PVT1: variants seen among roughly 807,000 people sequenced by gnomAD.
PVT1 encodes the protein Pvt1 oncogene, also known as CXCR4/PVT1 fusion.
intron 2 of PVT1, among the ~76,000 whole-genome samples, chr8:127,874,569 C>T (rs185257873): frequency 3.3e-5 from 5 of 152,228 alleles, no homozygotes; most frequent in East Asian, 1.9e-4. Flanking sequence ...AGACTGGTAC[C>T]TTCCTAGGAG....
chr8:127,902,277 A>T (rs1815768209), intron 3 of PVT1, among the ~76,000 whole-genome samples: 1 of 152,164 alleles, frequency 6.6e-6, no homozygotes, highest in Admixed American at 6.5e-5. Flanking sequence ...GAATTGAATG[A>T]TACCACTGAG....
At chr8:128,033,999 C>T (rs1056239674) in intron 4 of PVT1, among the ~76,000 whole-genome samples, 3 of 151,680 alleles carry the variant, frequency 2.0e-5, no homozygotes, top group South Asian at 2.1e-4. Flanking sequence ...TCTGCCTTGC[C>T]GGCCACCTCC....
At chr8:127,863,190 C>G (rs1191210325) in intron 2 of PVT1, among the ~76,000 whole-genome samples, 2 of 152,018 alleles carry the variant, frequency 1.3e-5, no homozygotes, top group African/African-American at 2.4e-5. Flanking sequence ...CGGCTCACTG[C>G]AACCTCCGCC....
At chr8:127,870,816 G>A (rs979202608) in intron 2 of PVT1, among the ~76,000 whole-genome samples, 2 of 152,200 alleles carry the variant, frequency 1.3e-5, no homozygotes, top group African/African-American at 4.8e-5. Flanking sequence ...GATTAAATGC[G>A]ATGATGCATG....
chr8:127,929,675 G>A (rs1301256584), intron 3 of PVT1, among the ~76,000 whole-genome samples: 3 of 152,142 alleles, frequency 2.0e-5, no homozygotes, highest in Admixed American at 6.5e-5. Flanking sequence ...GGCTGAGGCA[G>A]GAGAATGGCG....
chr8:128,064,222 G>A (rs1813871405), intron 4 of PVT1, among the ~76,000 whole-genome samples: 1 of 152,206 alleles, frequency 6.6e-6, no homozygotes, highest in East Asian at 1.9e-4. Context: ...ATCACCAGAG[G>A]GGATGCAGTC....
chr8:127,921,209 C>T (rs536228918), intron 3 of PVT1, among the ~76,000 whole-genome samples: 2 of 152,104 alleles, frequency 1.3e-5, no homozygotes, highest in South Asian at 4.2e-4. Context: ...TCCTGTGTGC[C>T]GAGCGCTGAG....
intron 4 of PVT1, among the ~76,000 whole-genome samples, chr8:128,042,480 C>T: frequency 6.6e-6 from 1 of 152,146 alleles, no homozygotes; most frequent in East Asian, 1.9e-4. Flanking sequence ...CCAAGATGTG[C>T]AGGACACAGG....
At chr8:127,826,903 C>CA (rs1192101388) in intron 2 of PVT1, among the ~76,000 whole-genome samples, 2 of 151,910 alleles carry the variant, frequency 1.3e-5, no homozygotes, top group Admixed American at 6.6e-5. Flanking sequence ...TGGGAGTATG[C>CA]AAAATCTCTG....
chr8:127,964,692 T>A (rs1040183826), intron 3 of PVT1, among the ~76,000 whole-genome samples: 17 of 152,198 alleles, frequency 1.1e-4, no homozygotes, highest in Non-Finnish European at 2.1e-4. Flanking sequence ...GCTCGGCTTG[T>A]GGCAGAATCA....
intron 2 of PVT1, among the ~76,000 whole-genome samples, chr8:127,797,786 G>T (rs1814414772): frequency 6.6e-6 from 1 of 152,108 alleles, no homozygotes; most frequent in South Asian, 2.1e-4. Context: ...TTGTTGTGGG[G>T]CAGGGTTGGT....
chr8:128,100,528 A>C (rs1056089057), intron 6 of PVT1, among the ~76,000 whole-genome samples: 3 of 152,176 alleles, frequency 2.0e-5, no homozygotes, highest in African/African-American at 7.2e-5. Context: ...GACCTAAAGG[A>C]ACCTGCTGCA....
At chr8:127,990,768 A>G (rs1471224275) in intron 4 of PVT1, among the ~76,000 whole-genome samples, 5 of 152,246 alleles carry the variant, frequency 3.3e-5, no homozygotes, top group Non-Finnish European at 7.3e-5. Flanking sequence ...TGTGGCATGC[A>G]GAGGTGAAGA....
intron 2 of PVT1, among the ~76,000 whole-genome samples, chr8:127,877,125 A>C (rs6470588): frequency 0.53 from 80,264 of 151,806 alleles, 22,423 homozygotes; most frequent in African/African-American, 0.74. Flanking sequence ...GCCGAGGAGG[A>C]CAACTCCCCA....
chr8:127,861,840 C>T (rs1259623629), intron 2 of PVT1, among the ~76,000 whole-genome samples: 1 of 152,186 alleles, frequency 6.6e-6, no homozygotes, highest in Non-Finnish European at 1.5e-5. Flanking sequence ...TTGTCATTGT[C>T]ATTGCTAATC....
chr8:127,957,841 G>A (rs890468620), intron 3 of PVT1, among the ~76,000 whole-genome samples: 1 of 152,240 alleles, frequency 6.6e-6, no homozygotes, highest in Admixed American at 6.5e-5. Context: ...TGCGCATGGC[G>A]GGGAGGTGTG....
At chr8:127,874,259 G>T (rs1287035667) in intron 2 of PVT1, among the ~76,000 whole-genome samples, 1 of 152,214 alleles carries the variant, frequency 6.6e-6, no homozygotes, top group Non-Finnish European at 1.5e-5. Context: ...GGCAGCAGTG[G>T]ATTCAGCTGA....
At chr8:128,089,774 A>G (rs910197884) in intron 5 of PVT1, among the ~76,000 whole-genome samples, 1 of 152,190 alleles carries the variant, frequency 6.6e-6, no homozygotes, top group Non-Finnish European at 1.5e-5. Flanking sequence ...ACAAACCAGG[A>G]GGATTTCCAC....
intron 2 of PVT1, among the ~76,000 whole-genome samples, chr8:127,880,906 C>A (rs1369535407): frequency 2.6e-5 from 4 of 152,192 alleles, no homozygotes; most frequent in Non-Finnish European, 5.9e-5. Context: ...GCTTTCCAGT[C>A]ATTTCTTAAG....
Sources: gnomAD v4.1 joint callset for allele counts (sites outside exome capture counted in the v4.1 genomes callset) on GRCh38, gnomAD v4.1.1 for gene constraint, MANE v1.5 for transcripts, NCBI Gene and HGNC (gene_info 2026-07-23, HGNC 2026-07-21) for gene names.